Variants in CDC42BPA observed in about 807,000 individuals in gnomAD.
The protein encoded by CDC42BPA is serine/threonine-protein kinase MRCK alpha.
CDC42BPA carries 80 observed loss-of-function variants against 223.5 expected under a neutral mutation model. The ratio of observed to expected loss-of-function variants is 0.36; its 90% CI spans 0.30 to 0.43. CDC42BPA has a LOEUF of 0.43. Among genes scored for constraint, CDC42BPA ranks in the 20% least tolerant of loss-of-function variants. CDC42BPA has a pLI of 1.00. For synonymous variants in CDC42BPA, 694 were observed against 718.6 expected (o/e 0.97, Z 0.55); for missense variants, 1,743 against 2,099.9 (o/e 0.83, Z 3.32).
At chr1:227,312,607 C>CTT (rs1355525800) in intron 1 of CDC42BPA, among the ~76,000 whole-genome samples, 1 of 152,050 alleles carries the variant, frequency 6.6e-6, no homozygotes, top group South Asian at 2.1e-4. Context: ...AATCCCAGCT[C>CTT]TTTAAGAGGC....
At chr1:227,175,955 T>C (rs1387272010) in intron 5 of CDC42BPA, among the ~76,000 whole-genome samples, 6 of 152,136 alleles carry the variant, frequency 3.9e-5, no homozygotes, top group African/African-American at 9.7e-5. Flanking sequence ...GTATGTATGG[T>C]GTACTGGGTG....
At chr1:227,314,946 T>TAG (rs1694127167) in intron 1 of CDC42BPA, among the ~76,000 whole-genome samples, 1 of 152,024 alleles carries the variant, frequency 6.6e-6, no homozygotes, top group South Asian at 2.1e-4. Flanking sequence ...TTCTTAGTCT[T>TAG]AACTGATTTT....
intron 2 of CDC42BPA, among the ~76,000 whole-genome samples, chr1:227,249,162 G>A (rs1018282833): frequency 6.6e-6 from 1 of 151,974 alleles, no homozygotes; most frequent in African/African-American, 2.4e-5. Flanking sequence ...TTTCAACAAC[G>A]GTGCCAAGAA....
At chr1:227,271,171 A>G (rs1415050608) in intron 1 of CDC42BPA, among the ~76,000 whole-genome samples, 1 of 152,202 alleles carries the variant, frequency 6.6e-6, no homozygotes, top group East Asian at 1.9e-4. Flanking sequence ...TGTTAATTAT[A>G]CTGTTTTTTA....
rs923568488 is a variant in CDC42BPA at position 227,249,630 on chromosome 1, G to T, written c.270+4434C>A. Among the ~76,000 whole-genome samples the T allele has an allele frequency of 3.3e-5, 5 of 152,204 alleles. 1 individual carries two copies. In the East Asian group the frequency reaches 5.8e-4, roughly 18 times the overall value. On this transcript the variant is annotated intron_variant, in intron 2 of 36. Coordinates refer to ENST00000366766, the MANE Select transcript of CDC42BPA (RefSeq NM_001394014.1). ...ATCTGATAATCCAATTTTTAAAATG[G>T]GCTAAAGATTTGAATAGACCTTTCT... is the stretch of plus-strand genomic sequence containing the variant.
At chr1:227,221,123 T>C (rs763991872) in intron 2 of CDC42BPA, among the ~76,000 whole-genome samples, 2 of 152,220 alleles carry the variant, frequency 1.3e-5, no homozygotes, top group Non-Finnish European at 2.9e-5. Flanking sequence ...TCCAAATAAA[T>C]TGTTCTCAAT....
intron 19 of CDC42BPA, 104 bp downstream of exon 19, chr1:227,073,760 A>G (rs1206217236): frequency 1.5e-5 from 14 of 906,956 alleles, no homozygotes. Context: ...TTTGGCCATC[A>G]TTTTTCTAAA....
rs1678947469 is a variant in CDC42BPA at position 227,073,946 on chromosome 1, C to A, written c.2653G>T (p.Ala885Ser). Reference sequence around the variant, plus strand: ...TTGGCTCTTATTTCTGCATCCAGAGCCGACTGCAACTCCAGTCTAGCTGAC... The same window carrying A: ...TTGGCTCTTATTTCTGCATCCAGAGACGACTGCAACTCCAGTCTAGCTGAC... ...DMSARLELQS[A>S]LDAEIRAKQA... The change falls in exon 19 of 37, where the codon GCT becomes TCT. Residue 885 changes from alanine (A) to serine (S), a missense_variant. Physicochemically the swap from Ala to Ser is moderately conservative, Grantham distance 99. This residue lies in a region of CDC42BPA where 36 missense variants were observed against 71.9 expected (regional missense o/e 0.50). Transcript: ENST00000366766. 1 of 1,612,400 alleles carries A rather than the reference C, an allele frequency of 6.2e-7. No homozygotes were observed. The highest frequency in any genetic ancestry group is 8.5e-7 in the Non-Finnish European group (1 of 1,179,468).
At chr1:227,155,305 C>A (rs1662532918) in intron 6 of CDC42BPA, among the ~76,000 whole-genome samples, 1 of 152,136 alleles carries the variant, frequency 6.6e-6, no homozygotes, top group Non-Finnish European at 1.5e-5. Context: ...CTTCTAAATT[C>A]TAAGAGGAAA....
At chr1:227,115,511 T>C (rs527304651) in intron 12 of CDC42BPA, among the ~76,000 whole-genome samples, 4 of 109,928 alleles carry the variant, frequency 3.6e-5, no homozygotes, top group African/African-American at 1.5e-4. Flanking sequence ...ATAAACCAGG[T>C]AGGCAAAAAA....
At chr1:227,081,291 T>TC (rs1204000515) in intron 16 of CDC42BPA, among the ~76,000 whole-genome samples, 3 of 151,792 alleles carry the variant, frequency 2.0e-5, no homozygotes, top group African/African-American at 4.8e-5. Context: ...CTTTTTTTTT[T>TC]CTCCAAAAAT....
chr1:227,013,148 C>T (rs1020939126), intron 34 of CDC42BPA, among the ~76,000 whole-genome samples: 5 of 152,034 alleles, frequency 3.3e-5, no homozygotes, highest in South Asian at 4.1e-4. Context: ...AAAGCACTTA[C>T]GTGATAAGAA....
chr1:227,112,892 G>C lies in CDC42BPA; in HGVS notation c.1669C>G (p.Arg557Gly). 1 of 1,613,738 alleles carries C rather than the reference G, an allele frequency of 6.2e-7. No individual in the cohort carries two copies. Among genetic ancestry groups the C allele is most frequent in the Non-Finnish European group, 8.5e-7 (1 of 1,179,832 alleles). Residue 557 changes from arginine to glycine, a missense_variant, in exon 13 of 37, where the codon CGA (arginine) becomes GGA (glycine). By Grantham distance (125) the Arg-to-Gly change is moderately radical. Coordinates refer to ENST00000366766, the MANE Select transcript of CDC42BPA (RefSeq NM_001394014.1). Reference sequence around the variant, plus strand: ...AGCTCTTTGGATTGGTTTTTTAATCGCTCACTAGCCTGGACTAGTTCCTAC... The same window carrying C: ...AGCTCTTTGGATTGGTTTTTTAATCCCTCACTAGCCTGGACTAGTTCCTAC... ...LNKELVQASE[R>G]LKNQSKELKD...
chr1:227,005,069 C>A lies in CDC42BPA; in HGVS notation c.4900G>T (p.Val1634Phe). The A allele has an allele frequency of 6.2e-7, 1 of 1,614,200 alleles. No individual in the cohort carries two copies. The highest frequency in any genetic ancestry group is 8.5e-7 in the Non-Finnish European group (1 of 1,180,024). Reference protein sequence around the residue: ...QESRTVFSGSVSIPSITKSRP... With the variant: ...QESRTVFSGSFSIPSITKSRP... ...GATTTGGTGATAGATGGAATACTGA[C>A]TGAGCCACTGAATACTGTCCGACTT... Residue 1634 changes from valine (V) to phenylalanine (F), a missense_variant, in exon 35 of 37, where the codon GTC becomes TTC. Physicochemically the swap from Val to Phe is conservative, Grantham distance 50 (BLOSUM62 -1). Coordinates refer to ENST00000366766, the MANE Select transcript of CDC42BPA (RefSeq NM_001394014.1).
At chr1:227,113,282 G>C (rs1361950866) in intron 12 of CDC42BPA, among the ~76,000 whole-genome samples, 1 of 152,344 alleles carries the variant, frequency 6.6e-6, no homozygotes, top group African/African-American at 2.4e-5. Context: ...TGGAGGCTAC[G>C]CCTCAAGCCA....
intron 14 of CDC42BPA, among the ~76,000 whole-genome samples, chr1:227,104,041 T>C (rs998103004): frequency 2.0e-5 from 3 of 152,034 alleles, no homozygotes; most frequent in African/African-American, 4.8e-5. Context: ...AAAAGTAAAA[T>C]TTTTACTGTG....
chr1:227,130,501 G>GT (rs753314453), intron 10 of CDC42BPA, among the ~76,000 whole-genome samples: 28 of 152,190 alleles, frequency 1.8e-4, no homozygotes, highest in African/African-American at 6.5e-4. Flanking sequence ...AACATCCATT[G>GT]TTTTTATTTT....
At chr1:227,015,678 C>G (rs1666066423) in intron 34 of CDC42BPA, among the ~76,000 whole-genome samples, 2 of 134,504 alleles carry the variant, frequency 1.5e-5, no homozygotes. Context: ...ATGTGGTTCT[C>G]TGGGAAGAAG....
intron 5 of CDC42BPA, among the ~76,000 whole-genome samples, chr1:227,190,829 G>C (rs1041910924): frequency 1.3e-5 from 2 of 152,168 alleles, no homozygotes; most frequent in Non-Finnish European, 2.9e-5. Context: ...AAAGGTAAAA[G>C]TAGAGAAAAG....
Sources: allele counts gnomAD v4.1 joint callset (sites outside exome capture counted in the v4.1 genomes callset), GRCh38; gene constraint gnomAD v4.1.1; regional missense constraint gnomAD v4.1.1; transcripts MANE v1.5; gene names NCBI Gene and HGNC (gene_info 2026-07-23, HGNC 2026-07-21).